Variants in SMYD3 observed in about 807,000 individuals in gnomAD.
SMYD3 encodes histone-lysine N-methyltransferase SMYD3.
In SMYD3, 36 loss-of-function variants were observed where a neutral mutation model predicts 57.7. The ratio of observed to expected loss-of-function variants is 0.62; its 90% CI spans 0.48 to 0.82. SMYD3 has a LOEUF of 0.82. SMYD3 is among the 40% of genes least tolerant of loss of function. SMYD3 has a pLI of 0.00. For missense variants in SMYD3, 515 were observed against 538.8 expected (o/e 0.96, Z 0.44); for synonymous variants, 211 against 195.0 (o/e 1.08, Z -0.68).
intron 5 of SMYD3, among the ~76,000 whole-genome samples, chr1:246,246,015 T>C (rs532353318): frequency 6.6e-6 from 1 of 152,320 alleles, no homozygotes; most frequent in African/African-American, 2.4e-5. Flanking sequence ...ATTTATTTAC[T>C]TATTTTTCAT....
chr1:246,451,968 C>A (rs1341098645), intron 1 of SMYD3, among the ~76,000 whole-genome samples: 2 of 152,180 alleles, frequency 1.3e-5, no homozygotes, highest in Non-Finnish European at 2.9e-5. Flanking sequence ...CAACTGCTTA[C>A]CCCAAGTAGC....
At chr1:246,299,435 G>A (rs146737205) in intron 5 of SMYD3, among the ~76,000 whole-genome samples, 9 of 152,130 alleles carry the variant, frequency 5.9e-5, no homozygotes, top group African/African-American at 2.2e-4. Flanking sequence ...ACAGTGTGGC[G>A]ATTCATCAAA....
At chr1:246,026,245 G>A (rs1384091558) in intron 5 of SMYD3, among the ~76,000 whole-genome samples, 1 of 152,178 alleles carries the variant, frequency 6.6e-6, no homozygotes, top group Non-Finnish European at 1.5e-5. Flanking sequence ...CCTAGGTCTT[G>A]CAGAAGAGAG....
intron 5 of SMYD3, among the ~76,000 whole-genome samples, chr1:246,201,093 A>T (rs2062916855): frequency 6.6e-6 from 1 of 152,222 alleles, no homozygotes. Context: ...TATAAACCTA[A>T]GTTTCCATGG....
chr1:246,190,986 G>C (rs1437814228), intron 5 of SMYD3, among the ~76,000 whole-genome samples: 4 of 152,182 alleles, frequency 2.6e-5, no homozygotes, highest in African/African-American at 9.7e-5. Context: ...AATCCTGATG[G>C]ATGGCTGACA....
chr1:246,225,336 A>C (rs56040801), intron 5 of SMYD3, among the ~76,000 whole-genome samples: 3 of 69,330 alleles, frequency 4.3e-5, no homozygotes, highest in South Asian at 2.1e-3. Context: ...AAAAAAAAAA[A>C]AAAAAAAAAA....
At chr1:246,200,116 C>CACCCACT (rs1226416801) in intron 5 of SMYD3, among the ~76,000 whole-genome samples, 1 of 2,676 alleles carries the variant, frequency 3.7e-4, no homozygotes, top group African/African-American at 1.6e-3. Context: ...TGTACACAGA[C>CACCCACT]GTCCACTGTA....
At chr1:246,315,496 A>G (rs2065142311) in intron 5 of SMYD3, among the ~76,000 whole-genome samples, 1 of 152,170 alleles carries the variant, frequency 6.6e-6, no homozygotes, top group African/African-American at 2.4e-5. Context: ...TCACAAATTC[A>G]AAGAGCAGTT....
intron 5 of SMYD3, among the ~76,000 whole-genome samples, chr1:246,091,331 A>AC (rs1387261307): frequency 6.6e-6 from 1 of 152,120 alleles, no homozygotes; most frequent in Non-Finnish European, 1.5e-5. Flanking sequence ...CCCAGCCTCC[A>AC]CCGCTGGATG....
At chr1:245,916,872 A>C (rs889167346) in intron 7 of SMYD3, among the ~76,000 whole-genome samples, 4 of 152,116 alleles carry the variant, frequency 2.6e-5, no homozygotes, top group African/African-American at 9.7e-5. Flanking sequence ...CTAACTCCCC[A>C]AGTGCAATTC....
intron 1 of SMYD3, among the ~76,000 whole-genome samples, chr1:246,474,568 T>C (rs2103052426): frequency 6.7e-6 from 1 of 150,042 alleles, no homozygotes; most frequent in Middle Eastern, 3.5e-3. Flanking sequence ...GAGGTTTCAC[T>C]ACTTGTTTTT....
intron 5 of SMYD3, chr1:246,178,825 A>C (rs952295636): frequency 1.6e-5 from 2 of 126,650 alleles, no homozygotes; most frequent in Non-Finnish European, 3.3e-5. Flanking sequence ...ATTTGTGACC[A>C]AAAAAAAAAA....
At chr1:246,190,338 A>G (rs1037032866) in intron 5 of SMYD3, among the ~76,000 whole-genome samples, 4 of 152,144 alleles carry the variant, frequency 2.6e-5, no homozygotes, top group Non-Finnish European at 5.9e-5. Flanking sequence ...TGTAATCCCA[A>G]CACTCTGGGA....
intron 1 of SMYD3, among the ~76,000 whole-genome samples, chr1:246,432,587 C>T (rs1209552799): frequency 6.6e-6 from 1 of 152,176 alleles, no homozygotes; most frequent in East Asian, 1.9e-4. Context: ...CTTCAGTTCA[C>T]GATGTGAGGT....
rs570687956 is a variant in SMYD3 at position 246,128,736 on chromosome 1, G to A, written c.531+198465C>T. 2.0e-5 allele frequency among the ~76,000 whole-genome samples: 3 copies of A among 152,182 alleles called. No individual in the cohort carries two copies. In the South Asian group the frequency reaches 6.2e-4, roughly 32 times the overall value. ...CAGATACTCTTTTTCTCCCTTTAGGGGGTGAAAGGAGTATCTGGATTAGTC... is the reference window on the plus strand; with the variant it reads ...CAGATACTCTTTTTCTCCCTTTAGGAGGTGAAAGGAGTATCTGGATTAGTC... On this transcript the variant is annotated intron_variant, in intron 5 of 11. Coordinates refer to ENST00000490107, the MANE Select transcript of SMYD3 (RefSeq NM_001167740.2).
intron 1 of SMYD3, 58 bp downstream of exon 1, chr1:246,506,996 C>CCCCCCCCCCCCCA: frequency 1.2e-6 from 1 of 815,826 alleles, no homozygotes; most frequent in Non-Finnish European, 1.7e-6. Context: ...GACGCCCCCC[C>CCCCCCCCCCCCCA]CTCCCCAGCA....
chr1:245,931,626 C>T (rs771721740), intron 5 of SMYD3, among the ~76,000 whole-genome samples: 5 of 151,704 alleles, frequency 3.3e-5, no homozygotes, highest in Non-Finnish European at 7.4e-5. Context: ...TGACAAAGGC[C>T]ATCAAAAAAC....
chr1:245,817,197 T>A (rs60643763), intron 10 of SMYD3, among the ~76,000 whole-genome samples: 3 of 146,864 alleles, frequency 2.0e-5, no homozygotes, highest in Admixed American at 6.8e-5. Context: ...CAGCTGGAGA[T>A]CTGAGAACGG....
intron 5 of SMYD3, among the ~76,000 whole-genome samples, chr1:245,996,116 T>G (rs61078504): frequency 0.2 from 30,094 of 152,242 alleles, 4,561 homozygotes; most frequent in African/African-American, 0.43. Flanking sequence ...AAATGTTTCT[T>G]GTTTAATTTC....
Sources: allele counts gnomAD v4.1 joint callset (sites outside exome capture counted in the v4.1 genomes callset), GRCh38; gene constraint gnomAD v4.1.1; transcripts MANE v1.5; gene names NCBI Gene and HGNC (gene_info 2026-07-23, HGNC 2026-07-21).